Variants in CLRN3 observed in about 807,000 individuals in gnomAD.
CLRN3 encodes clarin-3.
Under a neutral mutation model 16.7 loss-of-function variants are expected in CLRN3, and 12 were observed. That is an observed-to-expected ratio of 0.72 (90% confidence interval 0.46 to 1.16). The LOEUF (loss-of-function observed/expected upper bound fraction) is 1.16, where lower values mean the gene tolerates loss of function less well. Among genes scored for constraint, CLRN3 ranks in the 50% most tolerant of loss-of-function variants. The probability of loss-of-function intolerance (pLI) is 0.00; values close to 1 mark genes in which losing one functional copy is unlikely to be tolerated. For synonymous variants in CLRN3, 118 were observed against 113.0 expected (o/e 1.04, Z -0.28); for missense variants, 296 against 274.2 (o/e 1.08, Z -0.56).
intron 1 of CLRN3, among the ~76,000 whole-genome samples, chr10:127,890,869 T>C (rs1442240568): frequency 1.3e-5 from 2 of 152,216 alleles, no homozygotes; most frequent in Non-Finnish European, 2.9e-5. Context: ...GCCCAGCGAT[T>C]ATTACAATCA....
intron 1 of CLRN3, among the ~76,000 whole-genome samples, chr10:127,885,427 C>T (rs999566758): frequency 2.0e-5 from 3 of 152,228 alleles, no homozygotes; most frequent in Non-Finnish European, 4.4e-5. Context: ...TCCTGCCTGG[C>T]AGCCTTTCCA....
In CLRN3 at chr10:127,883,999, C is replaced by T. The variant is rs1170125309; in HGVS notation, c.230-124G>A. ...GTTGTTGGATGTCAGTTAGAGATAC[C>T]AGGAGCCTCCAACCCATGCAAGAAC... On this transcript the variant is annotated intron_variant, in intron 1 of 2. Coordinates refer to ENST00000368671, the MANE Select transcript of CLRN3 (RefSeq NM_152311.5). 10 of 848,148 alleles carry T rather than the reference C, an allele frequency of 1.2e-5. No individual in the cohort carries two copies. In the Admixed American group the frequency reaches 2.0e-4, roughly 17 times the overall value. 52.5% of individuals were successfully genotyped at this position (848,148 alleles called of 1,614,324 possible). A position where few individuals can be genotyped will look rare whatever the true frequency, so the allele number is the denominator to read the frequency against.
At chr10:127,879,431 T>A (rs1037480746) in intron 2 of CLRN3, among the ~76,000 whole-genome samples, 1 of 152,194 alleles carries the variant, frequency 6.6e-6, no homozygotes. Flanking sequence ...GGAGAGCCAC[T>A]TTTGTCTAGT....
rs538235688 is a variant in CLRN3, at chr10:127,883,839, A to G, written c.266T>C (p.Leu89Pro). The G allele has an allele frequency of 5.6e-6, 9 of 1,614,178 alleles. No homozygotes were observed. The South Asian group carries it at 7.7e-5, about 14-fold the overall frequency. The change falls in exon 2 of 3, where the codon CTG becomes CCG. Residue 89 changes from leucine (L) to proline (P), a missense_variant. Physicochemically the swap from Leu to Pro is moderately conservative, Grantham distance 98. Coordinates refer to ENST00000368671, the MANE Select transcript of CLRN3 (RefSeq NM_152311.5). ...EILNNSSQKTLHSVTILFLVL... is the reference protein window; with the variant it reads ...EILNNSSQKTPHSVTILFLVL... ...CAGGAACAGGATAGTCACCGAATGC[A>G]GAGTTTTTTGGGAAGAATTATTCAG...
At chr10:127,883,541 C>G (rs376471987) in intron 2 of CLRN3, among the ~76,000 whole-genome samples, 155 bp downstream of exon 2, 1 of 152,178 alleles carries the variant, frequency 6.6e-6, no homozygotes, top group East Asian at 1.9e-4. Flanking sequence ...TTTGGATTGA[C>G]AAAATAAACC....
At chr10:127,889,542 T>C (rs1845235057) in intron 1 of CLRN3, among the ~76,000 whole-genome samples, 1 of 151,952 alleles carries the variant, frequency 6.6e-6, no homozygotes, top group African/African-American at 2.4e-5. Context: ...GAGAATTGCT[T>C]GAACTCAGGA....
chr10:127,892,471 T>C (rs1232861662), intron 1 of CLRN3, 85 bp downstream of exon 1: 2 of 806,504 alleles, frequency 2.5e-6, no homozygotes, highest in African/African-American at 3.4e-5. Flanking sequence ...GAAATTATTT[T>C]TGAATGGTTA....
intron 1 of CLRN3, 122 bp downstream of exon 1, chr10:127,892,434 C>T: frequency 1.5e-6 from 1 of 655,438 alleles, no homozygotes; most frequent in Non-Finnish European, 2.7e-6. Flanking sequence ...TAAGCTTGTA[C>T]CTTCAGCCTA....
intron 1 of CLRN3, among the ~76,000 whole-genome samples, chr10:127,884,687 G>A (rs1464752688): frequency 1.3e-5 from 2 of 152,226 alleles, no homozygotes; most frequent in Non-Finnish European, 2.9e-5. Context: ...AAGCAAAGGT[G>A]CCCTGGCTGT....
At chr10:127,891,987 T>C (rs1355448730) in intron 1 of CLRN3, among the ~76,000 whole-genome samples, 3 of 129,162 alleles carry the variant, frequency 2.3e-5, no homozygotes, top group Non-Finnish European at 4.8e-5. Flanking sequence ...GGCATTATTA[T>C]ATAAGAAATC....
chr10:127,890,574 G>A (rs959071315), intron 1 of CLRN3, among the ~76,000 whole-genome samples: 3 of 152,116 alleles, frequency 2.0e-5, no homozygotes, highest in Non-Finnish European at 4.4e-5. Context: ...TAGCCAAGAA[G>A]CTGATATGGT....
chr10:127,885,398 C>A (rs149165493), intron 1 of CLRN3, among the ~76,000 whole-genome samples: 27 of 152,298 alleles, frequency 1.8e-4, no homozygotes, highest in African/African-American at 6.0e-4. Context: ...GGGAATCATA[C>A]AAAATTCACT....
chr10:127,880,801 A>T (rs11018384), intron 2 of CLRN3, among the ~76,000 whole-genome samples: 133,700 of 152,038 alleles, frequency 0.88, 59,082 homozygotes, highest in East Asian at 1. Flanking sequence ...AAGCAGAGGT[A>T]GTTCAAAACC....
chr10:127,891,396 C>A (rs1845256397), intron 1 of CLRN3, among the ~76,000 whole-genome samples: 2 of 152,204 alleles, frequency 1.3e-5, no homozygotes, highest in Admixed American at 6.5e-5. Context: ...GGCTTCAGGG[C>A]AGTTTTTGGT....
At chr10:127,892,411 C>A in intron 1 of CLRN3, 145 bp downstream of exon 1, 1 of 615,606 alleles carries the variant, frequency 1.6e-6, no homozygotes, top group Non-Finnish European at 2.9e-6. Context: ...GGCAAATTTC[C>A]AAAATTATGA....
intron 1 of CLRN3, among the ~76,000 whole-genome samples, chr10:127,886,535 G>A (rs1216337076): frequency 6.6e-6 from 1 of 152,212 alleles, no homozygotes; most frequent in Middle Eastern, 3.2e-3. Context: ...TAACCCAAGG[G>A]TTCTGGCTGC....
intron 2 of CLRN3, among the ~76,000 whole-genome samples, chr10:127,883,270 ATG>A (rs5788877): frequency 0.64 from 96,987 of 151,176 alleles, 32,302 homozygotes; most frequent in South Asian, 0.77. Context: ...TGGTGTGTTC[ATG>A]TGTGTGTGTG....
At position 127,881,383 on chromosome 10, in the gene CLRN3, C is replaced by T. The variant is rs991341924; in HGVS notation, c.409+2313G>A. The stretch of plus-strand genomic sequence containing the variant: ...TGCAAAGCCAGCCCATACTCTGCTG[C>T]GGAGGAGCAGAGATATGGAGCCACA... On this transcript the variant is annotated intron_variant, in intron 2 of 2. Coordinates refer to ENST00000368671, the MANE Select transcript of CLRN3 (RefSeq NM_152311.5). 1.2e-4 allele frequency among the ~76,000 whole-genome samples: 19 copies of T among 152,288 alleles called. No individual in the cohort carries two copies. In the South Asian group the frequency reaches 3.7e-3, roughly 30 times the overall value.
chr10:127,887,785 C>T (rs1845212881), intron 1 of CLRN3, among the ~76,000 whole-genome samples: 1 of 152,210 alleles, frequency 6.6e-6, no homozygotes. Context: ...CTGACAGCTG[C>T]TCTCTGCCTA....
Sources: gnomAD v4.1 joint callset for allele counts (sites outside exome capture counted in the v4.1 genomes callset) on GRCh38, gnomAD v4.1.1 for gene constraint, MANE v1.5 for transcripts, NCBI Gene and HGNC (gene_info 2026-07-23, HGNC 2026-07-21) for gene names.